Variants in FMN1 observed in about 807,000 individuals in gnomAD.
FMN1 encodes the protein formin 1, also known as formin-1.
A neutral mutation model predicts 132.4 loss-of-function variants in FMN1; 110 were observed. The ratio of observed to expected loss-of-function variants is 0.83; its 90% CI spans 0.71 to 0.97. The LOEUF (loss-of-function observed/expected upper bound fraction) is 0.97. Among genes scored for constraint, FMN1 ranks in the 50% least tolerant of loss-of-function variants. The pLI is 0.00. For missense variants in FMN1, 1,792 were observed against 1,705.3 expected (o/e 1.05, Z -0.90); for synonymous variants, 722 against 651.7 (o/e 1.11, Z -1.64).
chr15:32,944,676 C>T (rs2061470097), intron 9 of FMN1, among the ~76,000 whole-genome samples: 3 of 151,932 alleles, frequency 2.0e-5, no homozygotes, highest in Non-Finnish European at 2.9e-5. Context: ...CCCATCCTGA[C>T]GAGACAGAAA....
intron 6 of FMN1, among the ~76,000 whole-genome samples, chr15:33,025,866 T>C (rs2035640816): frequency 6.6e-6 from 1 of 152,100 alleles, no homozygotes; most frequent in African/African-American, 2.4e-5. Context: ...TTCAACAAAC[T>C]TTGAAAGTAA....
At chr15:33,090,497 A>G (rs2038864888) in intron 4 of FMN1, among the ~76,000 whole-genome samples, 1 of 152,170 alleles carries the variant, frequency 6.6e-6, no homozygotes, top group African/African-American at 2.4e-5. Flanking sequence ...GCCCTCTAGC[A>G]GGCTGTCCAC....
chr15:32,979,555 CA>C (rs66993265), intron 7 of FMN1, among the ~76,000 whole-genome samples: 4,048 of 57,488 alleles, frequency 0.07, 24 homozygotes, highest in East Asian at 0.18. Flanking sequence ...GACTCTGTCT[CA>C]AAAAAAAAAA....
chr15:32,824,878 T>G (rs1294968015), intron 17 of FMN1, among the ~76,000 whole-genome samples: 1 of 152,246 alleles, frequency 6.6e-6, no homozygotes, highest in Non-Finnish European at 1.5e-5. Flanking sequence ...CCTGCTCTGC[T>G]GAACATCCTG....
intron 16 of FMN1, among the ~76,000 whole-genome samples, chr15:32,869,924 C>G (rs1048124825): frequency 1.3e-5 from 2 of 152,128 alleles, no homozygotes; most frequent in Non-Finnish European, 2.9e-5. Context: ...AAAAAGCCAG[C>G]TTGGAGAGGC....
chr15:33,126,726 G>A (rs966589031), intron 4 of FMN1, among the ~76,000 whole-genome samples: 3 of 151,930 alleles, frequency 2.0e-5, no homozygotes, highest in African/African-American at 7.2e-5. Context: ...TACGCTACAG[G>A]CAGGCTGGAG....
At chr15:32,835,532 C>G (rs1009780042) in intron 17 of FMN1, among the ~76,000 whole-genome samples, 1 of 152,260 alleles carries the variant, frequency 6.6e-6, no homozygotes, top group East Asian at 1.9e-4. Context: ...TTCTAAGTTG[C>G]AACCTCAAAA....
intron 4 of FMN1, among the ~76,000 whole-genome samples, chr15:33,147,182 A>G (rs556026168): frequency 0.016 from 2,417 of 151,582 alleles, 45 homozygotes; most frequent in South Asian, 0.051. Flanking sequence ...AAAAAAAAAA[A>G]GAAATAAAAC....
chr15:32,935,501 T>C (rs914484954), intron 9 of FMN1, among the ~76,000 whole-genome samples: 1 of 152,224 alleles, frequency 6.6e-6, no homozygotes, highest in Admixed American at 6.5e-5. Context: ...GTTTATTTCT[T>C]CCGCCAGATA....
chr15:33,136,393 G>A (rs1162591513), intron 4 of FMN1, among the ~76,000 whole-genome samples: 1 of 152,188 alleles, frequency 6.6e-6, no homozygotes, highest in African/African-American at 2.4e-5. Context: ...TACCCACGTA[G>A]ACAAGAAAGA....
At chr15:32,841,984 G>C (rs749350999) in intron 17 of FMN1, among the ~76,000 whole-genome samples, 4 of 152,176 alleles carry the variant, frequency 2.6e-5, no homozygotes, top group Non-Finnish European at 5.9e-5. Flanking sequence ...CACCGTGGTA[G>C]CTTGTCTCCA....
intron 7 of FMN1, among the ~76,000 whole-genome samples, chr15:33,003,730 T>C (rs925538411): frequency 1.1e-4 from 17 of 152,278 alleles, no homozygotes; most frequent in African/African-American, 2.2e-4. Flanking sequence ...GAGCCCGCAT[T>C]GCCAAGTCAA....
intron 17 of FMN1, among the ~76,000 whole-genome samples, chr15:32,850,661 G>A (rs1453380877): frequency 1.3e-5 from 2 of 152,154 alleles, no homozygotes; most frequent in East Asian, 3.9e-4. Context: ...TGGGACAAGT[G>A]AGTGAACAGG....
intron 2 of FMN1, among the ~76,000 whole-genome samples, chr15:33,184,007 TC>T (rs1965793357): frequency 6.6e-6 from 1 of 152,220 alleles, no homozygotes; most frequent in South Asian, 2.1e-4. Flanking sequence ...CAAGGATATA[TC>T]TTGAAATAAG....
chr15:32,859,996 C>T (rs1440624880), intron 16 of FMN1, among the ~76,000 whole-genome samples: 1 of 151,708 alleles, frequency 6.6e-6, no homozygotes, highest in Non-Finnish European at 1.5e-5. Context: ...TACCATTGTA[C>T]TCTGGCCTGG....
At chr15:32,986,377 C>G (rs781644647) in intron 7 of FMN1, among the ~76,000 whole-genome samples, 1 of 152,024 alleles carries the variant, frequency 6.6e-6, no homozygotes, top group Non-Finnish European at 1.5e-5. Context: ...AGAGAAGATT[C>G]CCTGACCACA....
At chr15:33,024,517 A>G (rs992517192) in intron 6 of FMN1, among the ~76,000 whole-genome samples, 2 of 152,106 alleles carry the variant, frequency 1.3e-5, no homozygotes, top group African/African-American at 4.8e-5. Context: ...AAGTGCTGGG[A>G]TTACAGGTGT....
At chr15:32,934,021 C>T (rs2061192444) in intron 9 of FMN1, among the ~76,000 whole-genome samples, 1 of 151,916 alleles carries the variant, frequency 6.6e-6, no homozygotes, top group African/African-American at 2.4e-5. Context: ...CTAATTTGTT[C>T]ATTGTTTTGT....
chr15:33,043,150 T>C (rs144179033), intron 6 of FMN1, among the ~76,000 whole-genome samples: 53 of 152,316 alleles, frequency 3.5e-4, no homozygotes, highest in African/African-American at 1.3e-3. Flanking sequence ...CAATACCCTT[T>C]TGAGAAGCTG....
Sources: gnomAD v4.1 joint callset for allele counts (sites outside exome capture counted in the v4.1 genomes callset) on GRCh38, gnomAD v4.1.1 for gene constraint, MANE v1.5 for transcripts, NCBI Gene and HGNC (gene_info 2026-07-23, HGNC 2026-07-21) for gene names.